The following TNR variants were observed in gnomAD, a reference collection of about 807,000 sequenced individuals.
TNR encodes tenascin-R.
A neutral mutation model predicts 150.4 loss-of-function variants in TNR; 45 were observed. That is an observed-to-expected ratio of 0.30 (90% CI 0.24 to 0.38). The LOEUF (loss-of-function observed/expected upper bound fraction) is 0.38. TNR is among the 10% of genes least tolerant of loss of function. The probability of loss-of-function intolerance (pLI) is 1.00; values close to 1 mark genes in which losing one functional copy is unlikely to be tolerated. For missense variants in TNR, 1,544 were observed against 1,759.1 expected, an observed-to-expected ratio of 0.88 and a Z score of 2.19; for synonymous variants, 687 against 678.4, an observed-to-expected ratio of 1.01 and a Z score of -0.20.
intron 1 of TNR, among the ~76,000 whole-genome samples, chr1:175,623,885 CT>C (rs1176677952): frequency 6.6e-6 from 1 of 152,262 alleles, no homozygotes; most frequent in African/African-American, 2.4e-5. Context: ...GAAGCCAAGG[CT>C]TGGGCCCAGG....
intron 4 of TNR, among the ~76,000 whole-genome samples, chr1:175,401,693 A>G (rs1186058694): frequency 1.3e-5 from 2 of 152,128 alleles, no homozygotes; most frequent in Non-Finnish European, 2.9e-5. Flanking sequence ...GTGCGGGAAC[A>G]TTGCCTGCCA....
At chr1:175,334,853 G>C (rs769467134) in intron 20 of TNR, among the ~76,000 whole-genome samples, 4 of 152,184 alleles carry the variant, frequency 2.6e-5, no homozygotes, top group Non-Finnish European at 4.4e-5. Flanking sequence ...CAATAATGCT[G>C]TCTCAGAGAA....
At chr1:175,736,633 G>T (rs577169044) in intron 1 of TNR, among the ~76,000 whole-genome samples, 1 of 152,202 alleles carries the variant, frequency 6.6e-6, no homozygotes, top group South Asian at 2.1e-4. Context: ...AACTCCCCAG[G>T]TCTTGCTTCT....
intron 2 of TNR, among the ~76,000 whole-genome samples, chr1:175,488,120 G>A (rs1318441480): frequency 6.6e-6 from 1 of 152,208 alleles, no homozygotes; most frequent in Non-Finnish European, 1.5e-5. Context: ...CAAGAAAGCA[G>A]AGAGGCAGAT....
intron 2 of TNR, among the ~76,000 whole-genome samples, chr1:175,527,916 T>C (rs191233652): frequency 4.6e-5 from 7 of 152,350 alleles, no homozygotes; most frequent in Admixed American, 2.0e-4. Flanking sequence ...GTGAATAATT[T>C]ATCACTGATT....
intron 1 of TNR, among the ~76,000 whole-genome samples, chr1:175,628,881 C>T (rs1376609620): frequency 1.3e-5 from 2 of 152,106 alleles, no homozygotes; most frequent in African/African-American, 2.4e-5. Flanking sequence ...TTGTGGCCAT[C>T]GAGGTTAAGT....
chr1:175,672,647 G>C (rs1665737216), intron 1 of TNR, among the ~76,000 whole-genome samples: 1 of 152,088 alleles, frequency 6.6e-6, no homozygotes, highest in African/African-American at 2.4e-5. Flanking sequence ...AACCAGACAA[G>C]AGGATATCCC....
At chr1:175,570,213 G>A (rs1248245092) in intron 1 of TNR, among the ~76,000 whole-genome samples, 3 of 152,156 alleles carry the variant, frequency 2.0e-5, no homozygotes, top group African/African-American at 7.2e-5. Context: ...CTTTGTGAAT[G>A]TCTCCAGAGG....
chr1:175,492,608 TGAGA>T (rs997167114), intron 2 of TNR, among the ~76,000 whole-genome samples: 2 of 152,172 alleles, frequency 1.3e-5, no homozygotes, highest in African/African-American at 4.8e-5. Context: ...TTGGGGGGCC[TGAGA>T]GAGTTTGGAG....
intron 1 of TNR, among the ~76,000 whole-genome samples, chr1:175,533,187 C>T (rs1660141069): frequency 6.6e-6 from 1 of 152,188 alleles, no homozygotes; most frequent in Non-Finnish European, 1.5e-5. Flanking sequence ...CTACCAGCCA[C>T]AGACTTGGAA....
intron 1 of TNR, among the ~76,000 whole-genome samples, chr1:175,575,998 G>A (rs1382575099): frequency 6.6e-6 from 1 of 152,208 alleles, no homozygotes; most frequent in Non-Finnish European, 1.5e-5. Context: ...CATTTGGGGA[G>A]CTGTGCCTCC....
chr1:175,546,594 T>C (rs545450805), intron 1 of TNR, among the ~76,000 whole-genome samples: 1 of 152,262 alleles, frequency 6.6e-6, no homozygotes, highest in Non-Finnish European at 1.5e-5. Flanking sequence ...CGATATCACA[T>C]AACCAAGTAC....
intron 1 of TNR, among the ~76,000 whole-genome samples, chr1:175,610,295 C>G (rs928629740): frequency 4.6e-5 from 7 of 152,174 alleles, no homozygotes; most frequent in African/African-American, 1.4e-4. Flanking sequence ...TACGAAGAAC[C>G]ACTGTTACCC....
chr1:175,577,591 G>A (rs1662170430), intron 1 of TNR, among the ~76,000 whole-genome samples: 1 of 152,108 alleles, frequency 6.6e-6, no homozygotes, highest in Non-Finnish European at 1.5e-5. Flanking sequence ...AGGGCTGGGG[G>A]TGCGGGTTTG....
intron 1 of TNR, among the ~76,000 whole-genome samples, chr1:175,672,923 T>C (rs1273097361): frequency 1.3e-5 from 2 of 152,174 alleles, no homozygotes; most frequent in Non-Finnish European, 2.9e-5. Flanking sequence ...CAAGTCTGCA[T>C]GTCTCTGCTC....
At chr1:175,590,645 G>C (rs1662763539) in intron 1 of TNR, among the ~76,000 whole-genome samples, 1 of 152,246 alleles carries the variant, frequency 6.6e-6, no homozygotes, top group African/African-American at 2.4e-5. Context: ...CCACTCAGTT[G>C]AGGTGGGTGG....
chr1:175,402,313 CAAAAAAAAAAAAAAAA>C (rs149037374), intron 4 of TNR, among the ~76,000 whole-genome samples: 1 of 41,694 alleles, frequency 2.4e-5, no homozygotes, highest in Non-Finnish European at 4.1e-5. Context: ...GACTCCGTCT[CAAAAAAAAAAAAAAAA>C]AAAAAAAAAG....
intron 1 of TNR, among the ~76,000 whole-genome samples, chr1:175,701,892 A>C (rs990615960): frequency 6.6e-6 from 1 of 152,148 alleles, no homozygotes. Flanking sequence ...AAGAAGAACC[A>C]ATTAGAGAAC....
At chr1:175,726,330 G>A (rs1466419952) in intron 1 of TNR, among the ~76,000 whole-genome samples, 2 of 152,178 alleles carry the variant, frequency 1.3e-5, no homozygotes, top group Non-Finnish European at 2.9e-5. Context: ...TATATTTGGT[G>A]GGATCTTTGG....
Sources: allele counts gnomAD v4.1 joint callset (sites outside exome capture counted in the v4.1 genomes callset), GRCh38; gene constraint gnomAD v4.1.1; transcripts MANE v1.5; gene names NCBI Gene and HGNC (gene_info 2026-07-23, HGNC 2026-07-21).